PRKN: variants seen among roughly 807,000 people sequenced by gnomAD.
The protein encoded by PRKN is E3 ubiquitin-protein ligase parkin.
A neutral mutation model predicts 59.5 loss-of-function variants in PRKN; 56 were observed. That is an observed-to-expected ratio of 0.94 (90% confidence interval 0.76 to 1.18). The LOEUF (loss-of-function observed/expected upper bound fraction) is 1.18, where lower values mean the gene tolerates loss of function less well. Ranked by LOEUF, PRKN falls within the 50% of genes most tolerant of loss-of-function variation. PRKN has a pLI of 0.00. For missense variants in PRKN, 657 were observed against 596.4 expected, an observed-to-expected ratio of 1.10 and a Z score of -1.06; for synonymous variants, 250 against 222.1, an observed-to-expected ratio of 1.13 and a Z score of -1.12.
chr6:161,673,138 G>A (rs1784968671), intron 7 of PRKN, among the ~76,000 whole-genome samples: 2 of 152,130 alleles, frequency 1.3e-5, no homozygotes, highest in Admixed American at 6.5e-5. Context: ...CTGAGGACTA[G>A]GGATAGAGAG....
At position 161,358,567 on chromosome 6, in the gene PRKN, A is replaced by AT. The variant is rs1784853533; in HGVS notation, c.1285+1520dup. 3.9e-5 allele frequency among the ~76,000 whole-genome samples: 6 copies of AT among 152,196 alleles called. No homozygotes were observed. The South Asian group carries it at 1.2e-3, about 32-fold the overall frequency. On this transcript the variant is annotated intron_variant, in intron 11 of 11. Transcript: ENST00000366898. ...GAGGTGGAGGTTGCAGTGAACCGAG[A>AT]TTACGCCATTGCACCCCAGCCTGGG...
At chr6:162,408,196 A>G (rs1788171479) in intron 2 of PRKN, among the ~76,000 whole-genome samples, 1 of 152,132 alleles carries the variant, frequency 6.6e-6, no homozygotes, top group South Asian at 2.1e-4. Context: ...CATTAGAAAC[A>G]TATCTGCTAC....
intron 3 of PRKN, among the ~76,000 whole-genome samples, chr6:162,261,966 AC>A (rs1779906734): frequency 6.6e-6 from 1 of 152,154 alleles, no homozygotes; most frequent in Non-Finnish European, 1.5e-5. Context: ...AGGAAAATCA[AC>A]TTCTACCCTG....
chr6:162,223,507 T>C (rs1284521835), intron 3 of PRKN, among the ~76,000 whole-genome samples: 1 of 151,786 alleles, frequency 6.6e-6, no homozygotes, highest in Non-Finnish European at 1.5e-5. Context: ...TAAATTGGGA[T>C]GAAGAATTCT....
chr6:162,207,517 C>G (rs1467440091), intron 3 of PRKN, among the ~76,000 whole-genome samples: 1 of 152,188 alleles, frequency 6.6e-6, no homozygotes, highest in Non-Finnish European at 1.5e-5. Flanking sequence ...ACAGTCAGCA[C>G]TCTCTGGAAA....
rs943161548 is a variant in PRKN, at chr6:161,588,860, T to C, written c.872-19444A>G. ...AAAAATACAGGACACCCAGTTAAAT[T>C]TGAGTTTCAGTAAAGTACCAAGTCC... On this transcript the variant is annotated intron_variant, in intron 7 of 11. Transcript: ENST00000366898. The surrounding 1 kb of genome is among the most constrained non-coding windows in gnomAD (Gnocchi z 5.0). Among the ~76,000 whole-genome samples the C allele has an allele frequency of 1.3e-5, 2 of 152,132 alleles. No individual in the cohort carries two copies. Among genetic ancestry groups the C allele is most frequent in the African/African-American group, 4.8e-5 (2 of 41,432 alleles).
intron 10 of PRKN, among the ~76,000 whole-genome samples, chr6:161,375,452 T>C (rs1484673706): frequency 6.6e-6 from 1 of 152,210 alleles, no homozygotes; most frequent in Non-Finnish European, 1.5e-5. Flanking sequence ...CAATCTTATC[T>C]TTCCTTTCCT....
intron 1 of PRKN, among the ~76,000 whole-genome samples, chr6:162,523,818 A>C (rs1778168766): frequency 6.6e-6 from 1 of 152,096 alleles, no homozygotes; most frequent in Admixed American, 6.6e-5. Context: ...GGAGTTCAAG[A>C]CCAGCCTGGG....
intron 2 of PRKN, among the ~76,000 whole-genome samples, chr6:162,413,223 GTTGT>G (rs1788436188): frequency 6.6e-6 from 1 of 151,854 alleles, no homozygotes; most frequent in African/African-American, 2.4e-5. Context: ...TTTTTTTATT[GTTGT>G]TTTTCTCAGT....
intron 6 of PRKN, among the ~76,000 whole-genome samples, chr6:161,882,132 C>G (rs1416086007): frequency 6.6e-6 from 1 of 152,116 alleles, no homozygotes; most frequent in Non-Finnish European, 1.5e-5. Context: ...AAAATCCAAA[C>G]AAAACATGTC....
chr6:162,703,825 T>C (rs898263720), intron 1 of PRKN, among the ~76,000 whole-genome samples: 2 of 152,194 alleles, frequency 1.3e-5, no homozygotes, highest in Non-Finnish European at 2.9e-5. Flanking sequence ...ATTACCACTG[T>C]TTTAGCTATC....
chr6:162,238,668 C>A (rs1030691301), intron 3 of PRKN, among the ~76,000 whole-genome samples: 3 of 152,142 alleles, frequency 2.0e-5, no homozygotes, highest in African/African-American at 7.2e-5. Context: ...CCAAAGTTCA[C>A]CCTTTTATTC....
At chr6:162,262,438 A>T (rs766556838) in intron 3 of PRKN, 87 bp downstream of exon 3, 11 of 1,518,046 alleles carry the variant, frequency 7.2e-6, no homozygotes, top group Middle Eastern at 1.7e-4. Context: ...CATAAACTAA[A>T]TATGCACCCG....
chr6:162,100,992 A>C (rs1435535982), intron 4 of PRKN, among the ~76,000 whole-genome samples: 1 of 152,042 alleles, frequency 6.6e-6, no homozygotes, highest in Non-Finnish European at 1.5e-5. Flanking sequence ...CCTCTTATCA[A>C]ATGTATGGTT....
chr6:161,590,333 C>G (rs932015943), intron 7 of PRKN, among the ~76,000 whole-genome samples: 3 of 152,072 alleles, frequency 2.0e-5, no homozygotes, highest in Non-Finnish European at 4.4e-5. Context: ...TACGGTGGAT[C>G]ACGCCTGTAA....
intron 4 of PRKN, among the ~76,000 whole-genome samples, chr6:162,099,376 G>T (rs1779874077): frequency 6.6e-6 from 1 of 152,190 alleles, no homozygotes; most frequent in African/African-American, 2.4e-5. Context: ...ACTGAAACAA[G>T]TTAAACTGTT....
chr6:162,288,144 T>G (rs895365675), intron 2 of PRKN, among the ~76,000 whole-genome samples: 2 of 152,206 alleles, frequency 1.3e-5, no homozygotes, highest in African/African-American at 4.8e-5. Flanking sequence ...CCTCCCTGCC[T>G]GGAAGTGGGC....
At chr6:161,619,448 C>T (rs1782813747) in intron 7 of PRKN, among the ~76,000 whole-genome samples, 1 of 150,898 alleles carries the variant, frequency 6.6e-6, no homozygotes, top group South Asian at 2.1e-4. Flanking sequence ...ACACTATAAA[C>T]TTTTCATATG....
intron 4 of PRKN, among the ~76,000 whole-genome samples, chr6:162,088,251 G>A (rs1343616358): frequency 1.3e-5 from 2 of 152,108 alleles, no homozygotes; most frequent in Admixed American, 1.3e-4. Flanking sequence ...GATTCTTAGG[G>A]CACCCTGATG....
Sources: gnomAD v4.1 joint callset for allele counts (sites outside exome capture counted in the v4.1 genomes callset) on GRCh38, gnomAD v4.1.1 for gene constraint, Gnocchi (gnomAD v3.1) non-coding constraint, MANE v1.5 for transcripts, NCBI Gene and HGNC (gene_info 2026-07-23, HGNC 2026-07-21) for gene names.